Variants in GTF2E1 observed in about 807,000 individuals in gnomAD.
The protein encoded by GTF2E1 is general transcription factor IIE subunit 1.
GTF2E1 carries 14 observed loss-of-function variants against 34.9 expected under a neutral mutation model. That is an observed-to-expected ratio of 0.40 (90% CI 0.27 to 0.63). The LOEUF is 0.63. Among genes scored for constraint, GTF2E1 ranks in the 20% least tolerant of loss-of-function variants. The pLI is 0.39. For synonymous variants in GTF2E1, 188 were observed against 192.9 expected (o/e 0.97, Z 0.21); for missense variants, 469 against 557.7 (o/e 0.84, Z 1.60).
At chr3:120,744,560 C>G (rs561552231) in intron 1 of GTF2E1, among the ~76,000 whole-genome samples, 24 of 152,328 alleles carry the variant, frequency 1.6e-4, no homozygotes, top group Admixed American at 7.8e-4. Context: ...CTTTTCCTAG[C>G]TACGCTGGCT....
At chr3:120,747,073 T>A (rs978620027) in intron 1 of GTF2E1, among the ~76,000 whole-genome samples, 4 of 151,948 alleles carry the variant, frequency 2.6e-5, no homozygotes, top group African/African-American at 9.7e-5. Context: ...ACTCTGAATT[T>A]CAAAGCCCAG....
At position 120,773,577 on chromosome 3, in the gene GTF2E1, T is replaced by G. The variant is rs138361458; in HGVS notation, c.650+2648T>G. Among the ~76,000 whole-genome samples, 319 of 152,240 alleles carry G rather than the reference T, an allele frequency of 2.1e-3. 1 individual carries two copies. The highest frequency in any genetic ancestry group is 0.017 in the Middle Eastern group (5 of 294). On this transcript the variant is annotated intron_variant, in intron 3 of 4. Coordinates refer to ENST00000283875, the MANE Select transcript of GTF2E1 (RefSeq NM_005513.3). ...ACCTATTGATGAGATATAAAAATCT[T>G]CCTATCTTTCTAGAGTGGAATTCCT...
intron 3 of GTF2E1, among the ~76,000 whole-genome samples, chr3:120,771,777 T>C (rs1389827591): frequency 1.3e-5 from 2 of 152,186 alleles, no homozygotes; most frequent in African/African-American, 4.8e-5. Context: ...AATCCAATTC[T>C]ACAGAAAATT....
chr3:120,750,639 G>T lies in GTF2E1; in HGVS notation c.87G>T (p.Glu29Asp). ...KYVIRGFYGIEHALALDILIR... is the reference protein window; with the variant it reads ...KYVIRGFYGIDHALALDILIR... ...TGATCCGGGGATTTTATGGCATTGA[G>T]CATGCCTTGGCCTTGGACATCTTGA... is the stretch of plus-strand genomic sequence containing the variant. Residue 29 changes from glutamate to aspartate, a missense_variant, in exon 2 of 5, where the codon GAG (glutamate) becomes GAT (aspartate). Coordinates refer to ENST00000283875, the MANE Select transcript of GTF2E1 (RefSeq NM_005513.3). 6.2e-7 allele frequency: 1 copy of T among 1,613,772 alleles called. No individual in the cohort carries two copies.
At chr3:120,771,646 A>G (rs1408805690) in intron 3 of GTF2E1, among the ~76,000 whole-genome samples, 1 of 152,178 alleles carries the variant, frequency 6.6e-6, no homozygotes, top group Non-Finnish European at 1.5e-5. Context: ...CAAAGAGCTC[A>G]ACAATCAGGC....
intron 2 of GTF2E1, among the ~76,000 whole-genome samples, chr3:120,765,196 T>TA (rs1395629257): frequency 3.9e-5 from 6 of 152,174 alleles, no homozygotes; most frequent in Admixed American, 2.6e-4. Flanking sequence ...AGTGATAACT[T>TA]ACCTTCTGTA....
rs1472238324 is a variant in GTF2E1, at chr3:120,746,444, G to C, written c.-31+3650G>C. On this transcript the variant is annotated intron_variant, in intron 1 of 4. Coordinates refer to ENST00000283875, the MANE Select transcript of GTF2E1 (RefSeq NM_005513.3). ...GCAGAAGTTGCAGTGAGCCGAGCTT[G>C]CGCCACTGCACTCCAGCCTAGGTGA... Among the ~76,000 whole-genome samples, 3 of 151,712 alleles carry C rather than the reference G, an allele frequency of 2.0e-5. No homozygotes were observed. The East Asian group carries it at 5.8e-4, about 29-fold the overall frequency.
intron 2 of GTF2E1, 154 bp downstream of exon 2, chr3:120,751,154 T>G (rs1218672878): frequency 1.7e-6 from 1 of 577,086 alleles, no homozygotes; most frequent in African/African-American, 1.9e-5. Flanking sequence ...TACTGTCCTG[T>G]TTGGCTGTCG....
chr3:120,761,709 G>T (rs909136694), intron 2 of GTF2E1, among the ~76,000 whole-genome samples: 3 of 151,034 alleles, frequency 2.0e-5, no homozygotes, highest in African/African-American at 7.3e-5. Flanking sequence ...AGGTTGTTCA[G>T]TTTCCATGTA....
intron 2 of GTF2E1, among the ~76,000 whole-genome samples, chr3:120,757,177 T>G (rs891397475): frequency 6.6e-6 from 1 of 152,186 alleles, no homozygotes; most frequent in Non-Finnish European, 1.5e-5. Flanking sequence ...TATTCATCCA[T>G]GTACCATACT....
chr3:120,770,977 C>T, intron 3 of GTF2E1, 48 bp downstream of exon 3: 3 of 1,427,458 alleles, frequency 2.1e-6, no homozygotes, highest in South Asian at 2.3e-5. Context: ...TCAACCTGTT[C>T]TTGTTTTAAC....
intron 2 of GTF2E1, among the ~76,000 whole-genome samples, chr3:120,751,221 T>TAA (rs1305661440): frequency 1.3e-5 from 2 of 152,180 alleles, no homozygotes; most frequent in African/African-American, 2.4e-5. Context: ...GTTTCTCACT[T>TAA]ATGGCCCTCC....
chr3:120,772,129 A>G (rs1212407687), intron 3 of GTF2E1, among the ~76,000 whole-genome samples: 5 of 152,154 alleles, frequency 3.3e-5, no homozygotes, highest in African/African-American at 4.8e-5. Flanking sequence ...ACAATGTCCA[A>G]ATGCAGAAAA....
At chr3:120,775,244 T>G (rs1360836943) in intron 3 of GTF2E1, among the ~76,000 whole-genome samples, 3 of 151,994 alleles carry the variant, frequency 2.0e-5, no homozygotes, top group Non-Finnish European at 4.4e-5. Flanking sequence ...ATTTATTAGA[T>G]TCAGAATGAG....
chr3:120,761,850 G>C (rs1253419736), intron 2 of GTF2E1, among the ~76,000 whole-genome samples: 1 of 150,184 alleles, frequency 6.7e-6, no homozygotes. Flanking sequence ...GAGTGCAGTG[G>C]CGTGATCTCG....
chr3:120,746,914 T>C (rs1322128447), intron 1 of GTF2E1, among the ~76,000 whole-genome samples: 1 of 152,222 alleles, frequency 6.6e-6, no homozygotes, highest in African/African-American at 2.4e-5. Context: ...AAGCTGTCCT[T>C]CCTAAGCACT....
At chr3:120,767,280 C>T (rs941005621) in intron 2 of GTF2E1, among the ~76,000 whole-genome samples, 27 of 152,184 alleles carry the variant, frequency 1.8e-4, no homozygotes, top group Admixed American at 3.3e-4. Context: ...GTTTATATAA[C>T]GAGCAGCCTT....
intron 3 of GTF2E1, among the ~76,000 whole-genome samples, chr3:120,772,206 A>C (rs1709357598): frequency 6.6e-6 from 1 of 152,100 alleles, no homozygotes; most frequent in Non-Finnish European, 1.5e-5. Context: ...GCTCCCTAGG[A>C]TACTCTATTT....
chr3:120,749,334 T>C (rs1353220613), intron 1 of GTF2E1, among the ~76,000 whole-genome samples: 1 of 152,124 alleles, frequency 6.6e-6, no homozygotes, highest in Non-Finnish European at 1.5e-5. Context: ...CTTGTGCCAG[T>C]TTTCAAAGGG....
Sources: allele counts gnomAD v4.1 joint callset (sites outside exome capture counted in the v4.1 genomes callset), GRCh38; gene constraint gnomAD v4.1.1; transcripts MANE v1.5; gene names NCBI Gene and HGNC (gene_info 2026-07-23, HGNC 2026-07-21).